Variants in KCNIP4 observed in about 807,000 individuals in gnomAD.
The protein encoded by KCNIP4 is potassium voltage-gated channel interacting protein 4.
A neutral mutation model predicts 34.0 loss-of-function variants in KCNIP4; 12 were observed. That is an observed-to-expected ratio of 0.35 (90% CI 0.23 to 0.57). The LOEUF is 0.57. Ranked by LOEUF, KCNIP4 falls within the 20% of genes least tolerant of loss-of-function variation. KCNIP4 has a pLI of 0.83. For missense variants in KCNIP4, 238 were observed against 311.7 expected (o/e 0.76, Z 1.78); for synonymous variants, 124 against 102.2 (o/e 1.21, Z -1.29).
chr4:21,865,022 C>T (rs115993038), intron 1 of KCNIP4, among the ~76,000 whole-genome samples: 69 of 152,116 alleles, frequency 4.5e-4, no homozygotes, highest in African/African-American at 1.6e-3. Flanking sequence ...AGAAATATCA[C>T]CACTTAGTGA....
chr4:21,789,060 G>A (rs966950639), intron 1 of KCNIP4, among the ~76,000 whole-genome samples: 2 of 112,222 alleles, frequency 1.8e-5, no homozygotes, highest in Non-Finnish European at 3.5e-5. Flanking sequence ...GCAACAGAGC[G>A]AGATTCTGTC....
chr4:21,571,414 T>C (rs987324638), intron 1 of KCNIP4, among the ~76,000 whole-genome samples: 1 of 152,188 alleles, frequency 6.6e-6, no homozygotes, highest in Non-Finnish European at 1.5e-5. Context: ...GATAGTTAAA[T>C]GCAGAAATGC....
intron 1 of KCNIP4, among the ~76,000 whole-genome samples, chr4:21,333,339 GT>G (rs1322143447): frequency 6.6e-6 from 1 of 151,772 alleles, no homozygotes; most frequent in Non-Finnish European, 1.5e-5. Context: ...CTAAAAAAAT[GT>G]GTGTTGACAA....
intron 1 of KCNIP4, among the ~76,000 whole-genome samples, chr4:21,416,742 A>G (rs777644351): frequency 1.3e-5 from 2 of 152,230 alleles, no homozygotes; most frequent in Admixed American, 6.5e-5. Context: ...CCTGGAATAC[A>G]TAAGTTTATT....
At chr4:21,010,286 C>T (rs1466180850) in intron 1 of KCNIP4, among the ~76,000 whole-genome samples, 4 of 152,176 alleles carry the variant, frequency 2.6e-5, no homozygotes, top group Admixed American at 2.0e-4. Context: ...TGAAAGAATA[C>T]AGGATGTGAC....
intron 1 of KCNIP4, among the ~76,000 whole-genome samples, chr4:21,528,725 A>T (rs1309150237): frequency 5.7e-4 from 1 of 1,752 alleles, no homozygotes; most frequent in Non-Finnish European, 1.1e-3. Context: ...GAAAGAAAGA[A>T]AGAAAGAAAG....
chr4:21,491,361 G>T (rs1732380949), intron 1 of KCNIP4, among the ~76,000 whole-genome samples: 1 of 151,980 alleles, frequency 6.6e-6, no homozygotes, highest in African/African-American at 2.4e-5. Context: ...AAGAGAACTG[G>T]GTCTCTGAAA....
chr4:21,755,007 C>CATGTGTGCCTGTAATTAG (rs1717407418), intron 1 of KCNIP4, among the ~76,000 whole-genome samples: 2 of 152,106 alleles, frequency 1.3e-5, no homozygotes, highest in Non-Finnish European at 1.5e-5. Flanking sequence ...ATTAGCCAGG[C>CATGTGTGCCTGTAATTAG]ATGGTCATGT....
chr4:21,789,070 CAAAAAA>C (rs35630701), intron 1 of KCNIP4, among the ~76,000 whole-genome samples: 6 of 93,942 alleles, frequency 6.4e-5, no homozygotes, highest in Non-Finnish European at 6.1e-5. Context: ...GAGATTCTGT[CAAAAAA>C]AAAAAAAAAA....
At chr4:21,254,255 C>T (rs1267295957) in intron 1 of KCNIP4, among the ~76,000 whole-genome samples, 2 of 152,154 alleles carry the variant, frequency 1.3e-5, no homozygotes, top group African/African-American at 2.4e-5. Context: ...ATGGTTGTTG[C>T]ACCAGTACCA....
intron 1 of KCNIP4, among the ~76,000 whole-genome samples, chr4:21,015,365 T>C (rs1739410349): frequency 6.8e-6 from 1 of 146,500 alleles, no homozygotes; most frequent in African/African-American, 2.5e-5. Flanking sequence ...CTCTATTTTT[T>C]TCTTCTCACA....
intron 1 of KCNIP4, among the ~76,000 whole-genome samples, chr4:21,944,317 G>C (rs1444640582): frequency 6.6e-6 from 1 of 152,006 alleles, no homozygotes; most frequent in Non-Finnish European, 1.5e-5. Flanking sequence ...GCCGAGGCAG[G>C]AGGATCACTT....
chr4:20,957,704 G>C (rs373659944), intron 1 of KCNIP4, among the ~76,000 whole-genome samples: 1 of 152,074 alleles, frequency 6.6e-6, no homozygotes, highest in African/African-American at 2.4e-5. Context: ...GTCAAATAAG[G>C]AGAGGCATAT....
At chr4:21,944,246 T>A (rs528030651) in intron 1 of KCNIP4, among the ~76,000 whole-genome samples, 1 of 151,786 alleles carries the variant, frequency 6.6e-6, no homozygotes, top group Non-Finnish European at 1.5e-5. Context: ...GAAATAAGTG[T>A]CATAAAAGGA....
chr4:21,028,159 A>G (rs1361438147), intron 1 of KCNIP4, among the ~76,000 whole-genome samples: 2 of 151,076 alleles, frequency 1.3e-5, no homozygotes, highest in Non-Finnish European at 3.0e-5. Flanking sequence ...GAACCTCACC[A>G]TCTCTCCCCT....
intron 1 of KCNIP4, among the ~76,000 whole-genome samples, chr4:21,519,192 G>A (rs12499948): frequency 0.083 from 12,639 of 151,894 alleles, 877 homozygotes; most frequent in Admixed American, 0.18. Flanking sequence ...TCGTGAATGC[G>A]ATTAATGCCC....
At chr4:21,877,707 T>A (rs918162021) in intron 1 of KCNIP4, among the ~76,000 whole-genome samples, 3 of 152,214 alleles carry the variant, frequency 2.0e-5, no homozygotes, top group African/African-American at 7.2e-5. Flanking sequence ...TCCATTTTAG[T>A]ACAGATGACT....
At chr4:20,824,162 A>G (rs1332954104) in intron 3 of KCNIP4, among the ~76,000 whole-genome samples, 1 of 152,170 alleles carries the variant, frequency 6.6e-6, no homozygotes, top group Non-Finnish European at 1.5e-5. Flanking sequence ...TGATGTGCCT[A>G]AGTGTCTAGC....
At chr4:20,906,253 G>A (rs1360874595) in intron 1 of KCNIP4, among the ~76,000 whole-genome samples, 1 of 152,048 alleles carries the variant, frequency 6.6e-6, no homozygotes, top group East Asian at 1.9e-4. Flanking sequence ...CATTGCTGCT[G>A]AGCTGTTGGC....
Sources: allele counts gnomAD v4.1 joint callset (sites outside exome capture counted in the v4.1 genomes callset), GRCh38; gene constraint gnomAD v4.1.1; transcripts MANE v1.5; gene names NCBI Gene and HGNC (gene_info 2026-07-23, HGNC 2026-07-21).